The following PLEKHA6 variants were observed in gnomAD, a reference collection of about 807,000 sequenced individuals.
The protein encoded by PLEKHA6 is pleckstrin homology domain-containing family A member 6.
In PLEKHA6, 60 loss-of-function variants were observed where a neutral mutation model predicts 116.7. The observed-to-expected ratio is 0.51, with a 90% CI of 0.42 to 0.64. The LOEUF (loss-of-function observed/expected upper bound fraction) is 0.64, where lower values mean the gene tolerates loss of function less well. Ranked by LOEUF, PLEKHA6 falls within the 30% of genes least tolerant of loss-of-function variation. The pLI, the probability that PLEKHA6 is intolerant of heterozygous loss-of-function variation, is 0.00. For synonymous variants in PLEKHA6, 489 were observed against 556.1 expected (o/e 0.88, Z 1.70); for missense variants, 1,338 against 1,422.7 (o/e 0.94, Z 0.96).
rs145096987 is a variant in PLEKHA6, at chr1:204,370,356, G to A, written c.160+1174C>T. ...ATGATTGACGGAGGCCTTGGAACCA[G>A]GCGCCTAGTGTCCAGTCCGGTGAAG... On this transcript the variant is annotated intron_variant, in intron 2 of 4. Transcript: ENST00000564627. Among the ~76,000 whole-genome samples the A allele has an allele frequency of 3.2e-3, 485 of 152,370 alleles. 3 individuals are homozygous for A. The highest frequency in any genetic ancestry group is 6.4e-3 in the East Asian group (33 of 5,184).
intron 1 of PLEKHA6, among the ~76,000 whole-genome samples, chr1:204,330,088 C>T (rs991198555): frequency 3.9e-5 from 6 of 152,064 alleles, no homozygotes; most frequent in Non-Finnish European, 8.8e-5. Context: ...CAGTTGATTA[C>T]ATTAAGGAAT....
At chr1:204,286,171 A>G (rs1256690422) in intron 1 of PLEKHA6, among the ~76,000 whole-genome samples, 3 of 152,192 alleles carry the variant, frequency 2.0e-5, no homozygotes, top group Non-Finnish European at 4.4e-5. Flanking sequence ...GCATCCACTG[A>G]TAACCGGGGC....
chr1:204,306,087 A>T (rs1353896192), intron 1 of PLEKHA6, among the ~76,000 whole-genome samples: 1 of 151,860 alleles, frequency 6.6e-6, no homozygotes, highest in South Asian at 2.1e-4. Flanking sequence ...CTTTCCATCC[A>T]CCCCATATTC....
At chr1:204,272,312 T>C (rs1270534346) in intron 3 of PLEKHA6, among the ~76,000 whole-genome samples, 1 of 152,164 alleles carries the variant, frequency 6.6e-6, no homozygotes, top group African/African-American at 2.4e-5. Context: ...TGACTCCCTC[T>C]GTCTCCATAG....
chr1:204,329,747 A>C (rs901848451), intron 1 of PLEKHA6, among the ~76,000 whole-genome samples: 1 of 152,288 alleles, frequency 6.6e-6, no homozygotes, highest in East Asian at 1.9e-4. Flanking sequence ...CCAGAACGTG[A>C]AAAACTCTAC....
At chr1:204,349,598 G>C (rs1673207537) in intron 1 of PLEKHA6, among the ~76,000 whole-genome samples, 1 of 152,012 alleles carries the variant, frequency 6.6e-6, no homozygotes, top group Admixed American at 6.5e-5. Flanking sequence ...ATAAAACTGG[G>C]CAGCAGATTC....
rs199871600 is a variant in PLEKHA6 at position 204,268,240 on chromosome 1, G to T, written c.175C>A (p.Pro59Thr). 6.8e-6 allele frequency: 11 copies of T among 1,612,468 alleles called. No homozygotes were observed. The East Asian group carries it at 2.0e-4, about 29-fold the overall frequency. ...SHSMKRNPNA[P>T]VTKAGWLFKQ... The stretch of plus-strand genomic sequence containing the variant: ...AAGAGCCAGCCCGCCTTGGTGACAG[G>T]TGCATTGGGGTTCCGCTTCATGGAG... Residue 59 changes from proline (P) to threonine (T), a missense_variant, in exon 4 of 23, where the codon CCT (proline) becomes ACT (threonine). By Grantham distance (38) the Pro-to-Thr change is conservative (BLOSUM62 -1). Coordinates refer to ENST00000272203, the MANE Select transcript of PLEKHA6 (RefSeq NM_014935.5).
At chr1:204,307,473 G>C (rs1335706891) in intron 1 of PLEKHA6, 1 of 152,286 alleles carries the variant, frequency 6.6e-6, no homozygotes, top group Non-Finnish European at 1.5e-5. Context: ...GACAGGGAGA[G>C]AGCCTGGGAT....
intron 21 of PLEKHA6, among the ~76,000 whole-genome samples, chr1:204,225,137 T>C (rs1368300940): frequency 6.6e-6 from 1 of 152,058 alleles, no homozygotes; most frequent in African/African-American, 2.4e-5. Context: ...GGAGAAAAAA[T>C]ATTTTGTAAA....
intron 9 of PLEKHA6, among the ~76,000 whole-genome samples, chr1:204,254,661 T>A (rs974419837): frequency 6.6e-6 from 1 of 152,184 alleles, no homozygotes; most frequent in Non-Finnish European, 1.5e-5. Flanking sequence ...AATAATAGCA[T>A]CCATCTTACA....
intron 1 of PLEKHA6, among the ~76,000 whole-genome samples, chr1:204,304,892 A>G (rs1671144034): frequency 6.6e-6 from 1 of 152,208 alleles, no homozygotes; most frequent in African/African-American, 2.4e-5. Flanking sequence ...TGTCAATTAC[A>G]AGGCACTGAA....
Position 204,223,497 on chromosome 1 carries a change from G to C in PLEKHA6, c.3120C>G (p.Ala1040=), listed in dbSNP as rs961940969. The stretch of plus-strand genomic sequence containing the variant: ...AGACCCGCATGGTATAGCTGCTGTC[G>C]GCGCCCCGTGGGGATTCAGACGACA... ...NPLSSESPRG[A]DSSYTMRV The change falls in exon 22 of 23, where the codon GCC becomes GCG. Residue 1040 remains alanine (A), a synonymous_variant. Transcript: ENST00000272203. This position sits in a 1 kb window ranked among gnomAD's most constrained non-coding sequence, Gnocchi z 4.8. The C allele has an allele frequency of 1.3e-6, 2 of 1,549,352 alleles. No homozygotes were observed. The highest frequency in any genetic ancestry group is 1.2e-5 in the South Asian group (1 of 83,990).
In PLEKHA6 at chr1:204,257,547, G is replaced by C; in HGVS notation, c.1330C>G (p.Leu444Val). Residue 444 changes from leucine to valine, a missense_variant, in exon 9 of 23, where the codon CTG becomes GTG. Transcript: ENST00000272203. The surrounding 1 kb of genome is among the most constrained non-coding windows in gnomAD (Gnocchi z 6.5). ...CGGGGCTGCAGGGACAGGCGGCGCA[G>C]GGAGCTAGAGGCGGCATCCAGCTCA... The part of the protein sequence containing the change: ...YDELDAASSS[L>V]RRLSLQPRSH... 6.3e-7 allele frequency: 1 copy of C among 1,597,052 alleles called. No homozygotes were observed. The highest frequency in any genetic ancestry group is 8.5e-7 in the Non-Finnish European group (1 of 1,170,844).
chr1:204,274,130 C>T (rs755721671), intron 2 of PLEKHA6, among the ~76,000 whole-genome samples: 2 of 151,776 alleles, frequency 1.3e-5, no homozygotes, highest in Admixed American at 6.6e-5. Context: ...CAGGGTGTCA[C>T]TATGTGGCCC....
chr1:204,236,268 T>C (rs901279140), intron 17 of PLEKHA6, among the ~76,000 whole-genome samples: 3 of 152,206 alleles, frequency 2.0e-5, no homozygotes, highest in Non-Finnish European at 4.4e-5. Context: ...AGCTGAAATA[T>C]GGATAAAAGA....
At chr1:204,365,677 T>G (rs1673634572) in intron 3 of PLEKHA6, among the ~76,000 whole-genome samples, 1 of 152,220 alleles carries the variant, frequency 6.6e-6, no homozygotes, top group Admixed American at 6.5e-5. Context: ...TTATCATGCA[T>G]GCATTCATTT....
In PLEKHA6 at chr1:204,230,517, G is replaced by A. The variant is rs756133351; in HGVS notation, c.2479C>T (p.Arg827Ter). ...GAGCCACTCTGGTGCCGCCGCATTCGGTCAATCTGCTCCTCCACGCTCATC... is the reference window on the plus strand; with the variant it reads ...GAGCCACTCTGGTGCCGCCGCATTCAGTCAATCTGCTCCTCCACGCTCATC... ...VKMSVEEQID[R>*]MRRHQSGSMR... The change falls in exon 18 of 23, where the codon CGA becomes TGA. Residue 827 changes from arginine (R) to a stop codon, truncating the protein, a stop_gained. Coordinates refer to ENST00000272203, the MANE Select transcript of PLEKHA6 (RefSeq NM_014935.5). LOFTEE classifies it high-confidence loss of function. 6.3e-7 allele frequency: 1 copy of A among 1,594,966 alleles called. No homozygotes were observed. Among genetic ancestry groups the A allele is most frequent in the Non-Finnish European group, 8.5e-7 (1 of 1,171,052 alleles).
At chr1:204,376,752 T>C (rs1435657303) in intron 1 of PLEKHA6, among the ~76,000 whole-genome samples, 1 of 152,208 alleles carries the variant, frequency 6.6e-6, no homozygotes, top group Non-Finnish European at 1.5e-5. Flanking sequence ...TAAGATTCCT[T>C]GTAGCTCCGA....
chr1:204,249,543 T>A (rs1336039801), intron 10 of PLEKHA6, among the ~76,000 whole-genome samples: 2 of 152,040 alleles, frequency 1.3e-5, no homozygotes, highest in Non-Finnish European at 2.9e-5. Flanking sequence ...CTTCCAAGGG[T>A]TGCAATTCAC....
Sources: gnomAD v4.1 joint callset for allele counts (sites outside exome capture counted in the v4.1 genomes callset) on GRCh38, gnomAD v4.1.1 for gene constraint, Gnocchi (gnomAD v3.1) non-coding constraint, MANE v1.5 for transcripts, NCBI Gene and HGNC (gene_info 2026-07-23, HGNC 2026-07-21) for gene names.